TRIM44: variants seen among roughly 807,000 people sequenced by gnomAD.
TRIM44 encodes tripartite motif containing 44, also known as tripartite motif-containing protein 44.
Under a neutral mutation model 37.4 loss-of-function variants are expected in TRIM44, and 13 were observed. The ratio of observed to expected loss-of-function variants is 0.35; its 90% confidence interval spans 0.23 to 0.55. The LOEUF is 0.55. TRIM44 is among the 20% of genes least tolerant of loss of function. The pLI, the probability that TRIM44 is intolerant of heterozygous loss-of-function variation, is 0.89. For missense variants in TRIM44, 426 were observed against 437.2 expected (o/e 0.97, Z 0.23); for synonymous variants, 175 against 157.2 (o/e 1.11, Z -0.85).
chr11:35,729,746 C>T (rs997220215), intron 3 of TRIM44, among the ~76,000 whole-genome samples: 3 of 152,180 alleles, frequency 2.0e-5, no homozygotes, highest in Non-Finnish European at 4.4e-5. Flanking sequence ...GGATCCAGGA[C>T]ATGCATTCTG....
chr11:35,773,996 AT>A (rs1852914042), intron 4 of TRIM44, among the ~76,000 whole-genome samples: 1 of 152,192 alleles, frequency 6.6e-6, no homozygotes, highest in Non-Finnish European at 1.5e-5. Flanking sequence ...CAGTAATGGG[AT>A]GGCTGGGTCA....
chr11:35,675,650 T>A (rs1021863726), intron 1 of TRIM44, among the ~76,000 whole-genome samples: 8 of 152,254 alleles, frequency 5.3e-5, no homozygotes, highest in Admixed American at 4.6e-4. Context: ...GCCTCCCAAG[T>A]GGCTGGAATT....
chr11:35,680,857 C>T (rs1455111193), intron 1 of TRIM44, among the ~76,000 whole-genome samples: 1 of 152,066 alleles, frequency 6.6e-6, no homozygotes, highest in East Asian at 1.9e-4. Context: ...TGAGTCTGAG[C>T]ATCTTTTGCA....
At chr11:35,797,326 A>G (rs1853306651) in intron 4 of TRIM44, among the ~76,000 whole-genome samples, 1 of 152,182 alleles carries the variant, frequency 6.6e-6, no homozygotes, top group Non-Finnish European at 1.5e-5. Flanking sequence ...AAATAAATGA[A>G]GGAGAAGAGA....
At chr11:35,712,215 C>G (rs552369066) in intron 2 of TRIM44, among the ~76,000 whole-genome samples, 1 of 152,060 alleles carries the variant, frequency 6.6e-6, no homozygotes, top group Admixed American at 6.5e-5. Context: ...CCATATATTC[C>G]CAATAGAAAG....
Position 35,807,736 on chromosome 11 carries a change from T to C in TRIM44, c.*1351T>C, listed in dbSNP as rs1057308054. 3 of 152,130 alleles carry C rather than the reference T, an allele frequency of 2.0e-5. No homozygotes were observed. The highest frequency in any genetic ancestry group is 7.2e-5 in the African/African-American group (3 of 41,444). The allele number at this position is 152,130 out of a possible 1,614,324, so 9.4% of individuals were successfully genotyped here. On this transcript the variant is annotated 3_prime_UTR_variant, in exon 5 of 5. Coordinates refer to ENST00000299413, the MANE Select transcript of TRIM44 (RefSeq NM_017583.6). ...CGCATAGACTGTTAAGATAAAAAAA[T>C]AGGAATCTTGCAAGGTAATTCTTAT...
At chr11:35,720,322 C>T (rs530949485) in intron 2 of TRIM44, among the ~76,000 whole-genome samples, 4 of 151,808 alleles carry the variant, frequency 2.6e-5, no homozygotes, top group Admixed American at 1.3e-4. Context: ...CTTAAAATCG[C>T]GCTTGTTCAC....
rs1190064870 is a variant in TRIM44 at position 35,663,190 on chromosome 11, C to G, written c.79C>G (p.Pro27Ala). ...TCDECEPDEA[P>A]GAEEVCRECG... is the part of the protein sequence containing the mutation. ...TGACGAGTGCGAGCCCGACGAGGCTCCGGGGGCCGAGGAAGTGTGCCGAGA... is the reference window on the plus strand; with the variant it reads ...TGACGAGTGCGAGCCCGACGAGGCTGCGGGGGCCGAGGAAGTGTGCCGAGA... The change falls in exon 1 of 5, where the codon CCG becomes GCG. Residue 27 changes from proline to alanine, a missense_variant. By Grantham distance (27) the Pro-to-Ala change is conservative. Transcript: ENST00000299413. The G allele has an allele frequency of 1.3e-6, 2 of 1,588,128 alleles. No homozygotes were observed. Among genetic ancestry groups the G allele is most frequent in the East Asian group, 2.2e-5 (1 of 44,636 alleles).
intron 4 of TRIM44, among the ~76,000 whole-genome samples, chr11:35,750,779 T>C (rs1481653224): frequency 2.6e-5 from 4 of 152,130 alleles, no homozygotes; most frequent in African/African-American, 9.7e-5. Flanking sequence ...TCACCATACT[T>C]TGGGACTTCT....
chr11:35,789,196 G>C (rs1853169051), intron 4 of TRIM44, among the ~76,000 whole-genome samples: 1 of 152,118 alleles, frequency 6.6e-6, no homozygotes, highest in Non-Finnish European at 1.5e-5. Context: ...GTGGGTGAGT[G>C]GCTAGGGAAA....
At chr11:35,783,221 A>G (rs1300793465) in intron 4 of TRIM44, among the ~76,000 whole-genome samples, 2 of 152,202 alleles carry the variant, frequency 1.3e-5, no homozygotes, top group East Asian at 3.8e-4. Flanking sequence ...GCTAGTATAT[A>G]GCAGAGCCCT....
chr11:35,670,472 G>C (rs1851381541), intron 1 of TRIM44, among the ~76,000 whole-genome samples: 1 of 152,148 alleles, frequency 6.6e-6, no homozygotes, highest in Admixed American at 6.5e-5. Context: ...GATTTGTCTG[G>C]TGTTTTTTCT....
intron 2 of TRIM44, among the ~76,000 whole-genome samples, chr11:35,704,186 GA>G (rs1851840615): frequency 1.3e-5 from 2 of 152,134 alleles, no homozygotes; most frequent in Admixed American, 1.3e-4. Flanking sequence ...TGAAGGAAAT[GA>G]AGCAAGAAGG....
chr11:35,778,244 A>C (rs1853000933), intron 4 of TRIM44, among the ~76,000 whole-genome samples: 1 of 152,158 alleles, frequency 6.6e-6, no homozygotes, highest in Non-Finnish European at 1.5e-5. Flanking sequence ...CCACTTGATC[A>C]AATCAGCTAC....
At chr11:35,740,234 A>ACTCC (rs1009571868) in intron 4 of TRIM44, among the ~76,000 whole-genome samples, 3 of 148,530 alleles carry the variant, frequency 2.0e-5, no homozygotes, top group Non-Finnish European at 4.4e-5. Context: ...TCTTGTGTTC[A>ACTCC]CTCCCTCACA....
rs1418460172 is a variant in TRIM44 at position 35,814,040 on chromosome 11, A to G, written c.*7655A>G. Reference sequence around the variant, plus strand: ...CAGATCAAATTCTGTTACAACAAATACTGCTACCATAAAAGTCACTTAAGC... The same window carrying G: ...CAGATCAAATTCTGTTACAACAAATGCTGCTACCATAAAAGTCACTTAAGC... On this transcript the variant is annotated 3_prime_UTR_variant, in exon 5 of 5. Transcript: ENST00000299413. 1 of 152,214 alleles carries G rather than the reference A, an allele frequency of 6.6e-6. No homozygotes were observed. Among genetic ancestry groups the G allele is most frequent in the African/African-American group, 2.4e-5 (1 of 41,466 alleles). The allele number at this position is 152,214 out of a possible 1,614,324, so 9.4% of individuals were successfully genotyped here. A position where few individuals can be genotyped will look rare whatever the true frequency, so the allele number is the denominator to read the frequency against.
intron 2 of TRIM44, among the ~76,000 whole-genome samples, chr11:35,685,674 T>A (rs1290990663): frequency 6.6e-6 from 1 of 152,144 alleles, no homozygotes; most frequent in Non-Finnish European, 1.5e-5. Flanking sequence ...GATCATCTTT[T>A]TTTTTTTGAG....
chr11:35,791,980 G>T (rs555168732), intron 4 of TRIM44, among the ~76,000 whole-genome samples: 4 of 151,854 alleles, frequency 2.6e-5, no homozygotes, highest in African/African-American at 9.7e-5. Flanking sequence ...TAGGCAGCAG[G>T]CTGAACACAT....
chr11:35,731,938 A>G (rs1476126812), intron 3 of TRIM44, among the ~76,000 whole-genome samples: 2 of 152,104 alleles, frequency 1.3e-5, no homozygotes, highest in African/African-American at 4.8e-5. Flanking sequence ...TTCTGGCTAA[A>G]CCATACCCAT....
Sources: allele counts gnomAD v4.1 joint callset (sites outside exome capture counted in the v4.1 genomes callset), GRCh38; gene constraint gnomAD v4.1.1; transcripts MANE v1.5; gene names NCBI Gene and HGNC (gene_info 2026-07-23, HGNC 2026-07-21).